LRRC37A2: variants seen among roughly 807,000 people sequenced by gnomAD.
LRRC37A2 encodes the protein leucine-rich repeat-containing protein 37A2.
In LRRC37A2, 9 loss-of-function variants were observed where a neutral mutation model predicts 68.8. The ratio of observed to expected loss-of-function variants is 0.13; its 90% CI spans 0.08 to 0.23. The LOEUF (loss-of-function observed/expected upper bound fraction) is 0.23, where lower values mean the gene tolerates loss of function less well. Among genes scored for constraint, LRRC37A2 ranks in the 10% least tolerant of loss-of-function variants. The pLI is 1.00. For missense variants in LRRC37A2, 168 were observed against 950.4 expected (o/e 0.18, Z 10.82); for synonymous variants, 63 against 367.6 (o/e 0.17, Z 9.48).
At chr17:46,777,967 C>T in the LRRC37A2 span, among the ~76,000 whole-genome samples, 27 of 152,354 alleles carry the variant, frequency 1.8e-4, no homozygotes, top group Middle Eastern at 6.8e-3. Flanking sequence ...CCATCCAGCT[C>T]TACCACTTCC....
chr17:46,727,441 C>A, the LRRC37A2 span, among the ~76,000 whole-genome samples: 1 of 152,092 alleles, frequency 6.6e-6, no homozygotes, highest in Admixed American at 6.6e-5. Context: ...AAAATACTAC[C>A]CAGTGTCTGA....
the LRRC37A2 span, among the ~76,000 whole-genome samples, chr17:46,900,333 C>T: frequency 6.6e-6 from 1 of 151,620 alleles, no homozygotes; most frequent in Non-Finnish European, 1.5e-5. Flanking sequence ...TCACTGCAGC[C>T]TCTGCCTCCC....
the LRRC37A2 span, chr17:46,830,723 C>T: frequency 2.5e-6 from 1 of 398,510 alleles, no homozygotes; most frequent in Non-Finnish European, 4.4e-6. Context: ...TGACACTTCT[C>T]ATGGCTAGAG....
At chr17:46,756,874 A>T in the LRRC37A2 span, 16 of 152,512 alleles carry the variant, frequency 1.0e-4, no homozygotes, top group East Asian at 3.1e-3. Context: ...CCCTCCACAC[A>T]CTTCTTCCAA....
the LRRC37A2 span, among the ~76,000 whole-genome samples, chr17:46,948,170 G>A: frequency 6.6e-6 from 1 of 152,228 alleles, no homozygotes; most frequent in Non-Finnish European, 1.5e-5. Flanking sequence ...GGAACCTTGA[G>A]CAAGCCACCT....
chr17:46,722,455 G>T, the LRRC37A2 span, among the ~76,000 whole-genome samples: 1 of 152,060 alleles, frequency 6.6e-6, no homozygotes, highest in Non-Finnish European at 1.5e-5. Flanking sequence ...TACTTTTCTC[G>T]CATCTTTCTT....
the LRRC37A2 span, among the ~76,000 whole-genome samples, chr17:46,853,071 C>T: frequency 6.6e-6 from 1 of 152,124 alleles, no homozygotes; most frequent in Non-Finnish European, 1.5e-5. Flanking sequence ...TGCGATCCAC[C>T]CCAACAGCAG....
At chr17:46,901,136 C>CATTT in the LRRC37A2 span, among the ~76,000 whole-genome samples, 7 of 151,904 alleles carry the variant, frequency 4.6e-5, no homozygotes, top group African/African-American at 9.7e-5. Flanking sequence ...AAGCCCAGCA[C>CATTT]ATTTATTTAT....
chr17:46,764,828 G>C, the LRRC37A2 span, among the ~76,000 whole-genome samples: 1 of 152,166 alleles, frequency 6.6e-6, no homozygotes, highest in African/African-American at 2.4e-5. Flanking sequence ...GAGCAGTAAG[G>C]CTTTCGAGTC....
the LRRC37A2 span, chr17:46,885,656 CTTTTG>C: frequency 2.0e-5 from 3 of 152,184 alleles, no homozygotes; most frequent in African/African-American, 7.2e-5. Context: ...ATATTGGCAT[CTTTTG>C]TTTTATTGGA....
the LRRC37A2 span, among the ~76,000 whole-genome samples, chr17:47,020,075 T>C: frequency 6.6e-6 from 1 of 150,706 alleles, no homozygotes; most frequent in Non-Finnish European, 1.5e-5. Flanking sequence ...TCTCCTCCCA[T>C]TTTTGCTTCA....
chr17:46,678,504 A>G, the LRRC37A2 span, among the ~76,000 whole-genome samples: 1 of 151,538 alleles, frequency 6.6e-6, no homozygotes, highest in African/African-American at 2.4e-5. Context: ...AGAGAGAGAG[A>G]GAGAGAATAC....
the LRRC37A2 span, among the ~76,000 whole-genome samples, chr17:46,942,997 G>C: frequency 1.3e-5 from 2 of 152,190 alleles, no homozygotes; most frequent in Admixed American, 6.5e-5. Context: ...TCCCTCGGGA[G>C]CTTTAAAAAC....
chr17:46,963,769 GT>G, the LRRC37A2 span: 2 of 152,168 alleles, frequency 1.3e-5, no homozygotes, highest in Non-Finnish European at 2.9e-5. Context: ...AGAAGCTTGA[GT>G]TTTGGAGAGG....
chr17:46,817,154 A>C, the LRRC37A2 span, among the ~76,000 whole-genome samples: 1 of 152,180 alleles, frequency 6.6e-6, no homozygotes, highest in Non-Finnish European at 1.5e-5. Context: ...ACACCCAGAC[A>C]CAAATGCTGC....
the LRRC37A2 span, among the ~76,000 whole-genome samples, chr17:46,985,008 G>A: frequency 3.7e-3 from 566 of 152,260 alleles, 4 homozygotes; most frequent in South Asian, 0.021. Context: ...CATTTGTTTG[G>A]CACGCTTTTC....
the LRRC37A2 span, chr17:46,726,404 T>C: frequency 1.3e-6 from 1 of 745,800 alleles, no homozygotes; most frequent in Non-Finnish European, 2.3e-6. Context: ...GGTGATCCAG[T>C]GTGTCAATTC....
the LRRC37A2 span, chr17:46,931,390 G>C: frequency 3.2e-6 from 2 of 619,596 alleles, no homozygotes; most frequent in East Asian, 5.5e-5. Flanking sequence ...AAAATAAATA[G>C]CCTGTGAGGT....
the LRRC37A2 span, among the ~76,000 whole-genome samples, chr17:46,501,139 C>T: frequency 6.6e-6 from 1 of 151,286 alleles, no homozygotes; most frequent in African/African-American, 2.5e-5. Flanking sequence ...ATCCTCCTGC[C>T]TCAGCCTCTT....
Sources: gnomAD v4.1 joint callset for allele counts (sites outside exome capture counted in the v4.1 genomes callset) on GRCh38, gnomAD v4.1.1 for gene constraint, MANE v1.5 for transcripts, NCBI Gene and HGNC (gene_info 2026-07-23, HGNC 2026-07-21) for gene names.